The following SOX5 variants were observed in gnomAD, a reference collection of about 807,000 sequenced individuals.
SOX5 encodes transcription factor SOX-5.
Under a neutral mutation model 92.0 loss-of-function variants are expected in SOX5, and 9 were observed. The observed-to-expected ratio is 0.10, with a 90% CI of 0.06 to 0.17. SOX5 has a LOEUF of 0.17. Ranked by LOEUF, SOX5 falls within the 10% of genes least tolerant of loss-of-function variation. The pLI is 1.00. For synonymous variants in SOX5, 344 were observed against 336.3 expected (o/e 1.02, Z -0.25); for missense variants, 642 against 944.5 (o/e 0.68, Z 4.20).
intron 4 of SOX5, among the ~76,000 whole-genome samples, chr12:24,109,079 A>T (rs1313275346): frequency 2.0e-5 from 3 of 152,168 alleles, no homozygotes; most frequent in Non-Finnish European, 4.4e-5. Context: ...TTTTAACAAC[A>T]TTTTACAAAA....
intron 2 of SOX5, among the ~76,000 whole-genome samples, chr12:24,366,371 T>C (rs929251982): frequency 6.6e-6 from 1 of 152,130 alleles, no homozygotes; most frequent in African/African-American, 2.4e-5. Context: ...CTAATCAGAA[T>C]GAATTAGGAC....
chr12:24,179,884 T>C (rs976730771), intron 4 of SOX5, among the ~76,000 whole-genome samples: 3 of 151,782 alleles, frequency 2.0e-5, no homozygotes, highest in Admixed American at 6.6e-5. Context: ...TGTGAGTTAA[T>C]GAATTAACTC....
intron 1 of SOX5, among the ~76,000 whole-genome samples, chr12:24,398,718 T>C (rs1303771031): frequency 6.6e-6 from 1 of 152,224 alleles, no homozygotes; most frequent in African/African-American, 2.4e-5. Context: ...AGAGAACTTC[T>C]GTTTTGACTA....
At position 23,801,735 on chromosome 12, in the gene SOX5, G is replaced by A. The variant is rs762776412; in HGVS notation, c.481+44248C>T. Among the ~76,000 whole-genome samples the A allele has an allele frequency of 3.9e-4, 59 of 152,074 alleles. No homozygotes were observed. In the Middle Eastern group the frequency reaches 0.01, roughly 26 times the overall value. ...TATTACATAAATTAAATGTAATAGC[G>A]CTTGGATTTGGATTCCAACCCTACG... On this transcript the variant is annotated intron_variant, in intron 3 of 14. Transcript: ENST00000451604.
In SOX5 at chr12:24,393,704, T is replaced by G. The variant is rs1959192011; in HGVS notation, c.-250-25065A>C. 6.6e-6 allele frequency among the ~76,000 whole-genome samples: 1 copy of G among 152,196 alleles called. No homozygotes were observed. ...GAAATTATTAAAATTTGGCAAAACT[T>G]TTCTATTCTTTAAAAAATTATGACA... On this transcript the variant is annotated intron_variant, in intron 1 of 4. Transcript: ENST00000446891. The surrounding 1 kb of genome is among the most constrained non-coding windows in gnomAD (Gnocchi z 5.0).
rs184728677 is a variant in SOX5, at chr12:23,719,449, T to C, written c.810+15235A>G. 1.9e-3 allele frequency among the ~76,000 whole-genome samples: 286 copies of C among 152,188 alleles called. 1 individual carries two copies. Among genetic ancestry groups the C allele is most frequent in the African/African-American group, 6.1e-3 (255 of 41,534 alleles). On this transcript the variant is annotated intron_variant, in intron 6 of 14. Transcript: ENST00000451604. ...CTACCAGGGTACTAATGTTTCTTTA[T>C]AAAAAGGAGCTATTTGCCAAGCATG...
intron 13 of SOX5, among the ~76,000 whole-genome samples, chr12:23,537,936 G>A (rs555510554): frequency 2.0e-5 from 2 of 100,220 alleles, no homozygotes; most frequent in Non-Finnish European, 4.4e-5. Context: ...GCCCTCAGTA[G>A]TAATAGCGTT....
chr12:24,346,445 T>C (rs1417174259), intron 2 of SOX5, among the ~76,000 whole-genome samples: 3 of 150,894 alleles, frequency 2.0e-5, no homozygotes, highest in Non-Finnish European at 3.0e-5. Context: ...TACTTTATTT[T>C]TGGAGTACTT....
chr12:23,831,957 T>TACACGCACACACACAC (rs367953254), intron 3 of SOX5, among the ~76,000 whole-genome samples: 31 of 142,732 alleles, frequency 2.2e-4, no homozygotes, highest in South Asian at 9.3e-4. Context: ...AAAGGGGAAC[T>TACACGCACACACACAC]ACACACACAC....
intron 4 of SOX5, among the ~76,000 whole-genome samples, chr12:24,054,618 T>A (rs1279133588): frequency 6.6e-6 from 1 of 152,184 alleles, no homozygotes; most frequent in Non-Finnish European, 1.5e-5. Context: ...GTGCCAACTC[T>A]AACACACACC....
intron 3 of SOX5, among the ~76,000 whole-genome samples, chr12:23,832,537 A>C (rs1291033897): frequency 6.6e-6 from 1 of 152,074 alleles, no homozygotes; most frequent in Non-Finnish European, 1.5e-5. Context: ...GTATATCTAA[A>C]GTAACAATGT....
intron 3 of SOX5, among the ~76,000 whole-genome samples, chr12:23,842,103 T>G (rs1273740823): frequency 1.3e-5 from 2 of 152,118 alleles, no homozygotes; most frequent in Non-Finnish European, 2.9e-5. Context: ...GTAAGTTACC[T>G]TAGTAACTTT....
intron 3 of SOX5, among the ~76,000 whole-genome samples, chr12:24,271,889 T>C (rs575737988): frequency 1.3e-5 from 2 of 152,278 alleles, no homozygotes; most frequent in South Asian, 4.1e-4. Flanking sequence ...AGGGCAAGTC[T>C]TCCTACCCAT....
chr12:24,506,782 GTCTTTTT>G (rs1948795643), intron 1 of SOX5, among the ~76,000 whole-genome samples: 1 of 80,278 alleles, frequency 1.2e-5, no homozygotes, highest in African/African-American at 5.1e-5. Flanking sequence ...TATCCAAATG[GTCTTTTT>G]TTTTTTTTTT....
intron 3 of SOX5, among the ~76,000 whole-genome samples, chr12:24,262,478 A>C (rs1331892599): frequency 1.3e-5 from 2 of 152,180 alleles, no homozygotes; most frequent in African/African-American, 2.4e-5. Context: ...TGGAGCAATA[A>C]ATTTGAGATT....
At chr12:24,467,396 G>C (rs1944341800) in intron 1 of SOX5, among the ~76,000 whole-genome samples, 1 of 152,142 alleles carries the variant, frequency 6.6e-6, no homozygotes, top group Non-Finnish European at 1.5e-5. Context: ...GCGTGCAATG[G>C]GAAATGACTT....
intron 3 of SOX5, among the ~76,000 whole-genome samples, chr12:23,763,636 G>C (rs867512481): frequency 6.6e-6 from 1 of 151,642 alleles, no homozygotes; most frequent in African/African-American, 2.4e-5. Context: ...ATACAAAATT[G>C]CTCAATTAAT....
intron 9 of SOX5, among the ~76,000 whole-genome samples, chr12:23,595,464 T>C (rs1952234436): frequency 6.6e-6 from 1 of 151,544 alleles, no homozygotes. Flanking sequence ...CTACTAAAAA[T>C]ACAAAAAAAT....
intron 3 of SOX5, among the ~76,000 whole-genome samples, chr12:23,817,844 T>C (rs1408823568): frequency 1.3e-5 from 2 of 152,126 alleles, no homozygotes; most frequent in East Asian, 3.9e-4. Flanking sequence ...CACGAACAAC[T>C]TGAGAACAGG....
Sources: gnomAD v4.1 joint callset for allele counts (sites outside exome capture counted in the v4.1 genomes callset) on GRCh38, gnomAD v4.1.1 for gene constraint, Gnocchi (gnomAD v3.1) non-coding constraint, MANE v1.5 for transcripts, NCBI Gene and HGNC (gene_info 2026-07-23, HGNC 2026-07-21) for gene names.